ANKRD44: variants seen among roughly 807,000 people sequenced by gnomAD.
The protein encoded by ANKRD44 is ankyrin repeat domain 44.
ANKRD44 carries 35 observed loss-of-function variants against 116.0 expected under a neutral mutation model. The ratio of observed to expected loss-of-function variants is 0.30; its 90% CI spans 0.23 to 0.40. The LOEUF is 0.40. ANKRD44 is among the 10% of genes least tolerant of loss of function. The pLI is 1.00. For missense variants in ANKRD44, 1,014 were observed against 1,242.6 expected (o/e 0.82, Z 2.77); for synonymous variants, 435 against 461.8 (o/e 0.94, Z 0.74).
chr2:197,144,151 G>T (rs1016646196), intron 3 of ANKRD44, among the ~76,000 whole-genome samples: 1 of 152,130 alleles, frequency 6.6e-6, no homozygotes, highest in African/African-American at 2.4e-5. Flanking sequence ...TGAATTCTTC[G>T]CCAAGACCTT....
chr2:197,156,936 G>A (rs1325014975), intron 2 of ANKRD44, among the ~76,000 whole-genome samples: 3 of 152,152 alleles, frequency 2.0e-5, no homozygotes, highest in Non-Finnish European at 2.9e-5. Flanking sequence ...GTTGCCTGAC[G>A]GGCCTAAGGG....
intron 3 of ANKRD44, among the ~76,000 whole-genome samples, chr2:197,139,186 A>G (rs917272041): frequency 6.6e-6 from 1 of 152,092 alleles, no homozygotes; most frequent in Admixed American, 6.6e-5. Context: ...CCAATCATAT[A>G]CCCTAGAGAA....
At chr2:197,069,053 G>C (rs747981318) in intron 16 of ANKRD44, among the ~76,000 whole-genome samples, 1 of 152,188 alleles carries the variant, frequency 6.6e-6, no homozygotes, top group Non-Finnish European at 1.5e-5. Context: ...CAATCCAAAT[G>C]TCCATCAATG....
In ANKRD44 at chr2:197,199,429, C is replaced by T. The variant is rs532664604; in HGVS notation, c.28-12323G>A. On this transcript the variant is annotated intron_variant, in intron 1 of 27. Coordinates refer to ENST00000282272, the MANE Select transcript of ANKRD44 (RefSeq NM_001195144.2). Reference sequence around the variant, plus strand: ...GCATTTTATCTTTGTCTTATGTTTGCTGGATTTTAATCTTAGTAGGTTTCC... The same window carrying T: ...GCATTTTATCTTTGTCTTATGTTTGTTGGATTTTAATCTTAGTAGGTTTCC... Among the ~76,000 whole-genome samples the T allele has an allele frequency of 2.6e-5, 4 of 152,256 alleles. No individual in the cohort carries two copies. The East Asian group carries it at 7.7e-4, about 29-fold the overall frequency.
chr2:197,024,842 G>T (rs919926483), intron 17 of ANKRD44, among the ~76,000 whole-genome samples: 1 of 152,130 alleles, frequency 6.6e-6, no homozygotes, highest in Non-Finnish European at 1.5e-5. Context: ...TATTGTTATC[G>T]CTAATCAAAT....
At chr2:197,096,301 T>G (rs1421602283) in intron 10 of ANKRD44, among the ~76,000 whole-genome samples, 1 of 152,218 alleles carries the variant, frequency 6.6e-6, no homozygotes, top group Non-Finnish European at 1.5e-5. Context: ...CAATATTTAA[T>G]GAATGAATGA....
chr2:197,169,698 G>C (rs886129345), intron 2 of ANKRD44, among the ~76,000 whole-genome samples: 6 of 152,048 alleles, frequency 3.9e-5, no homozygotes, highest in African/African-American at 1.4e-4. Context: ...CCCCACCCTG[G>C]ACCTCCCAAA....
At chr2:197,098,816 A>C (rs984093737) in intron 10 of ANKRD44, among the ~76,000 whole-genome samples, 2 of 152,176 alleles carry the variant, frequency 1.3e-5, no homozygotes, top group African/African-American at 4.8e-5. Flanking sequence ...TATTACTACA[A>C]TATTTCCAAT....
chr2:197,007,961 T>C (rs1177767673), intron 19 of ANKRD44, 38 bp from the exon 20 acceptor site: 1 of 1,436,512 alleles, frequency 7.0e-7, no homozygotes, highest in Non-Finnish European at 9.8e-7. Context: ...AAAAAGGAGA[T>C]TTAAAAAAAT....
chr2:197,302,478 T>C (rs1360691156), intron 1 of ANKRD44: 1 of 152,336 alleles, frequency 6.6e-6, no homozygotes, highest in East Asian at 1.9e-4. Context: ...TTTAAAAGAA[T>C]GATTTAAAGA....
intron 4 of ANKRD44, chr2:197,134,094 C>G (rs1463946884): frequency 6.6e-6 from 1 of 151,868 alleles, no homozygotes; most frequent in Non-Finnish European, 1.5e-5. Flanking sequence ...GCTGGGGTTA[C>G]AGGCATGCGC....
intron 10 of ANKRD44, among the ~76,000 whole-genome samples, chr2:197,097,622 C>T (rs2078191321): frequency 6.6e-6 from 1 of 152,246 alleles, no homozygotes; most frequent in African/African-American, 2.4e-5. Context: ...TGTCATCCCT[C>T]AGCCTCATCT....
intron 16 of ANKRD44, among the ~76,000 whole-genome samples, chr2:197,062,365 A>G (rs1018902704): frequency 6.6e-6 from 1 of 152,240 alleles, no homozygotes; most frequent in Non-Finnish European, 1.5e-5. Flanking sequence ...GAGAGGATAC[A>G]TGAGGTTATC....
At chr2:197,284,220 T>C (rs2083341701) in intron 1 of ANKRD44, among the ~76,000 whole-genome samples, 1 of 152,108 alleles carries the variant, frequency 6.6e-6, no homozygotes, top group Non-Finnish European at 1.5e-5. Flanking sequence ...ATTGAAGAAC[T>C]GCACAAGGAG....
chr2:197,037,053 G>A (rs1028214530), intron 16 of ANKRD44, among the ~76,000 whole-genome samples: 17 of 152,136 alleles, frequency 1.1e-4, no homozygotes, highest in Admixed American at 1.1e-3. Flanking sequence ...TCAGCATACA[G>A]AATTACACCT....
At chr2:196,986,198 C>G (rs1347877391), downstream of ANKRD44, among the ~76,000 whole-genome samples, 2 of 152,008 alleles carry the variant, frequency 1.3e-5, no homozygotes, top group Non-Finnish European at 2.9e-5. Flanking sequence ...TTGTCATAAC[C>G]CAGCTCAAAT....
intron 1 of ANKRD44, among the ~76,000 whole-genome samples, chr2:197,223,271 C>G (rs2081625498): frequency 6.6e-6 from 1 of 152,196 alleles, no homozygotes; most frequent in Non-Finnish European, 1.5e-5. Context: ...TTCCACTTCA[C>G]AGTAAACCAC....
downstream of ANKRD44, among the ~76,000 whole-genome samples, chr2:196,983,219 G>GA (rs957897492): frequency 1.4e-4 from 21 of 149,164 alleles, no homozygotes; most frequent in Middle Eastern, 3.5e-3. Flanking sequence ...AAAAATGACA[G>GA]AAAAAAAAAA....
Position 197,143,198 on chromosome 2 carries a change from T to A in ANKRD44, c.190+3829A>T, listed in dbSNP as rs183601050. ...TCTTTTTTTTATTTTTTATTTATTT[T>A]TTTATTTTATTATTATTATACTTTA... On this transcript the variant is annotated intron_variant, in intron 3 of 27. Transcript: ENST00000282272. Among the ~76,000 whole-genome samples the A allele has an allele frequency of 1.7e-3, 251 of 149,822 alleles. 1 individual carries two copies. The highest frequency in any genetic ancestry group is 5.7e-3 in the African/African-American group (234 of 41,244).
Sources: gnomAD v4.1 joint callset for allele counts (sites outside exome capture counted in the v4.1 genomes callset) on GRCh38, gnomAD v4.1.1 for gene constraint, MANE v1.5 for transcripts, NCBI Gene and HGNC (gene_info 2026-07-23, HGNC 2026-07-21) for gene names.